BCCIP: variants seen among roughly 807,000 people sequenced by gnomAD.
BCCIP encodes the protein BRCA2 and CDKN1A-interacting protein.
In BCCIP, 23 loss-of-function variants were observed where a neutral mutation model predicts 32.8. That is an observed-to-expected ratio of 0.70 (90% confidence interval 0.51 to 0.99). BCCIP has a LOEUF of 0.99. Ranked by LOEUF, BCCIP falls within the 50% of genes least tolerant of loss-of-function variation. The probability of loss-of-function intolerance (pLI) is 0.00; values close to 1 mark genes in which losing one functional copy is unlikely to be tolerated. For synonymous variants in BCCIP, 144 were observed against 137.6 expected, an observed-to-expected ratio of 1.05 and a Z score of -0.33; for missense variants, 378 against 379.8, an observed-to-expected ratio of 1.00 and a Z score of 0.04.
chr10:125,828,988 T>C (rs1229114252), intron 3 of BCCIP, among the ~76,000 whole-genome samples: 1 of 152,206 alleles, frequency 6.6e-6, no homozygotes, highest in Non-Finnish European at 1.5e-5. Context: ...AAGAGCAAGC[T>C]GCCCAAAAGA....
At chr10:125,838,787 GAT>G (rs1032923713), downstream of BCCIP, among the ~76,000 whole-genome samples, 54 of 152,336 alleles carry the variant, frequency 3.5e-4, no homozygotes, top group African/African-American at 1.1e-3. Flanking sequence ...AATCCATAAT[GAT>G]ATGTCATTTT....
At chr10:125,836,890 TG>T (rs771329770), downstream of BCCIP, 3 of 1,595,288 alleles carry the variant, frequency 1.9e-6, no homozygotes, top group African/African-American at 4.0e-5. Context: ...AGATTATGAG[TG>T]GGGAAGGTGG....
chr10:125,837,522 G>T (rs1310170072), downstream of BCCIP, among the ~76,000 whole-genome samples: 3 of 152,108 alleles, frequency 2.0e-5, no homozygotes, highest in Non-Finnish European at 4.4e-5. Context: ...TGACCTCCTG[G>T]GCTCAAGCGA....
At position 125,830,812 on chromosome 10, in the gene BCCIP, G is replaced by C. The variant is rs115979128; in HGVS notation, c.411+161G>C. Among the ~76,000 whole-genome samples, 1,169 of 152,320 alleles carry C rather than the reference G, an allele frequency of 7.7e-3. 13 individuals are homozygous for C. The highest frequency in any genetic ancestry group is 0.027 in the African/African-American group (1,104 of 41,576). ...GTAATCCTTTTTCAATATGAAGGTG[G>C]TGGTGTTGGGTCTGTACCCAGTTAA... On this transcript the variant is annotated intron_variant, in intron 4 of 6. Transcript: ENST00000278100.
chr10:125,824,257 GGTAAATC>G, intron 1 of BCCIP, among the ~76,000 whole-genome samples: 1 of 152,262 alleles, frequency 6.6e-6, no homozygotes, highest in Admixed American at 6.5e-5. Context: ...CCAAGTCGTG[GGTAAATC>G]TTTGGTTTCA....
intron 6 of BCCIP, among the ~76,000 whole-genome samples, chr10:125,835,395 C>T (rs10901452): frequency 0.35 from 53,297 of 151,806 alleles, 9,499 homozygotes; most frequent in South Asian, 0.39. Flanking sequence ...CTGGCTAACA[C>T]GATGAAACGC....
downstream of BCCIP, chr10:125,839,271 A>C (rs1300335214): frequency 2.1e-6 from 3 of 1,425,982 alleles, no homozygotes; most frequent in African/African-American, 4.2e-5. Flanking sequence ...TGCCATCTTT[A>C]AGCCCTGTGC....
chr10:125,853,169 G>A, exon 8 of BCCIP: 1 of 1,611,342 alleles, frequency 6.2e-7, no homozygotes, highest in Non-Finnish European at 8.5e-7. Flanking sequence ...TCTGAAGGCT[G>A]GACTAATTCA....
downstream of BCCIP, chr10:125,841,059 G>A: frequency 6.5e-7 from 1 of 1,544,500 alleles, no homozygotes. Context: ...AGCCTAACAT[G>A]CAGAGGGGAG....
chr10:125,833,048 G>A (rs531930401), intron 5 of BCCIP, among the ~76,000 whole-genome samples: 116 of 151,714 alleles, frequency 7.6e-4, no homozygotes, highest in Non-Finnish European at 1.4e-3. Context: ...TGTGAACCTG[G>A]CAGGCAGAGG....
chr10:125,824,622 G>A (rs1357266356), intron 1 of BCCIP, among the ~76,000 whole-genome samples: 3 of 152,116 alleles, frequency 2.0e-5, no homozygotes, highest in Non-Finnish European at 4.4e-5. Context: ...TGAGACCATC[G>A]TAGTCCACAC....
downstream of BCCIP, among the ~76,000 whole-genome samples, chr10:125,847,657 T>C (rs1035209869): frequency 1.1e-4 from 16 of 152,182 alleles, no homozygotes; most frequent in African/African-American, 3.6e-4. Context: ...CACTTTATTT[T>C]TATTATTATT....
intron 7 of BCCIP, among the ~76,000 whole-genome samples, chr10:125,848,697 A>G (rs1944054202): frequency 6.6e-6 from 1 of 152,096 alleles, no homozygotes; most frequent in African/African-American, 2.4e-5. Flanking sequence ...TCTCACACCC[A>G]TTAAAACTGC....
At chr10:125,849,175 A>G (rs1944059913) in intron 7 of BCCIP, among the ~76,000 whole-genome samples, 1 of 152,248 alleles carries the variant, frequency 6.6e-6, no homozygotes, top group African/African-American at 2.4e-5. Flanking sequence ...GGTTCCATTA[A>G]GTTAAATTGC....
chr10:125,844,017 C>T (rs1359022597), downstream of BCCIP, among the ~76,000 whole-genome samples: 1 of 152,226 alleles, frequency 6.6e-6, no homozygotes, highest in East Asian at 1.9e-4. Context: ...AGAGATATTC[C>T]TGTCCTGCCT....
In BCCIP at chr10:125,833,137, GA is replaced by G. The variant is rs1161862135; in HGVS notation, c.600-621del. 7.8e-3 allele frequency among the ~76,000 whole-genome samples: 872 copies of G among 111,638 alleles called. 6 individuals are homozygous for G. Among genetic ancestry groups the G allele is most frequent in the Middle Eastern group, 0.038 (9 of 236 alleles). 73.2% of individuals were successfully genotyped at this position (111,638 alleles called of 152,430 possible). A position where few individuals can be genotyped will look rare whatever the true frequency, so the allele number is the denominator to read the frequency against. ...AGATTTTGTCTCCAAACGAAAAAAA[GA>G]AAAAAAAAAAAAAGGAAAGCTGAAG... On this transcript the variant is annotated intron_variant, in intron 5 of 6. Coordinates refer to ENST00000278100, the MANE Select transcript of BCCIP (RefSeq NM_078468.3).
chr10:125,827,602 C>A lies in BCCIP; in HGVS notation c.285C>A (p.Leu95=). 6.2e-7 allele frequency: 1 copy of A among 1,613,134 alleles called. No homozygotes were observed. The highest frequency in any genetic ancestry group is 1.3e-5 in the African/African-American group (1 of 75,024). ...APVNTAELTD[L]LIQQNHIGSV... ...TGAACACTGCAGAACTAACAGATCT[C>A]TTAATTCAACAGAACCATATTGGGA... The change falls in exon 3 of 7, where the codon CTC becomes CTA. Residue 95 remains leucine (L), a synonymous_variant. Transcript: ENST00000278100.
chr10:125,844,028 G>A (rs116403359), downstream of BCCIP, among the ~76,000 whole-genome samples: 699 of 152,316 alleles, frequency 4.6e-3, 2 homozygotes, highest in African/African-American at 0.016. Context: ...TGTCCTGCCT[G>A]GGTCCTGACA....
downstream of BCCIP, among the ~76,000 whole-genome samples, chr10:125,844,883 C>A (rs1402598226): frequency 6.6e-6 from 1 of 152,222 alleles, no homozygotes; most frequent in Non-Finnish European, 1.5e-5. Context: ...TGGAATAGCT[C>A]ACTGCAAGGT....
Sources: allele counts gnomAD v4.1 joint callset (sites outside exome capture counted in the v4.1 genomes callset), GRCh38; gene constraint gnomAD v4.1.1; transcripts MANE v1.5; gene names NCBI Gene and HGNC (gene_info 2026-07-23, HGNC 2026-07-21).